The following TENM3 variants were observed in gnomAD, a reference collection of about 807,000 sequenced individuals.
TENM3 encodes teneurin transmembrane protein 3, also known as teneurin-3.
TENM3 carries 63 observed loss-of-function variants against 255.1 expected under a neutral mutation model. The ratio of observed to expected loss-of-function variants is 0.25; its 90% CI spans 0.20 to 0.30. TENM3 has a LOEUF of 0.30. Among genes scored for constraint, TENM3 ranks in the 10% least tolerant of loss-of-function variants. The pLI is 1.00. For synonymous variants in TENM3, 1,306 were observed against 1,322.3 expected (o/e 0.99, Z 0.27); for missense variants, 2,929 against 3,461.1 (o/e 0.85, Z 3.86).
chr4:181,800,556 C>T, the TENM3 span, among the ~76,000 whole-genome samples: 1 of 152,234 alleles, frequency 6.6e-6, no homozygotes, highest in South Asian at 2.1e-4. Context: ...CTGCTTGAAC[C>T]CGGGAGGTGG....
chr4:182,322,002 G>C (rs2150489598), intron 1 of TENM3, among the ~76,000 whole-genome samples: 1 of 152,216 alleles, frequency 6.6e-6, no homozygotes, highest in Admixed American at 6.5e-5. Context: ...TAAAAAGAGT[G>C]AATTGGTGTG....
the TENM3 span, among the ~76,000 whole-genome samples, chr4:181,869,079 T>C: frequency 6.6e-6 from 1 of 152,180 alleles, no homozygotes; most frequent in East Asian, 1.9e-4. Flanking sequence ...ATTATTAATT[T>C]CCATTTTAGG....
chr4:182,774,381 G>C (rs1210209297), intron 23 of TENM3, among the ~76,000 whole-genome samples: 1 of 152,168 alleles, frequency 6.6e-6, no homozygotes, highest in Admixed American at 6.5e-5. Flanking sequence ...TGAGGCAGTA[G>C]TCTACAATAT....
intron 3 of TENM3, among the ~76,000 whole-genome samples, chr4:182,573,860 C>G (rs1744657823): frequency 6.6e-6 from 1 of 152,088 alleles, no homozygotes; most frequent in East Asian, 1.9e-4. Flanking sequence ...ACTGAAATGA[C>G]TGTGCTTAAG....
At chr4:182,070,015 AGAAGAAG>A in the TENM3 span, among the ~76,000 whole-genome samples, 1 of 152,168 alleles carries the variant, frequency 6.6e-6, no homozygotes, top group Admixed American at 6.5e-5. Flanking sequence ...GTTTGTAAAG[AGAAGAAG>A]GAAGTTAAGA....
chr4:182,163,194 T>C (rs923995371), intron 1 of TENM3, among the ~76,000 whole-genome samples: 1 of 152,144 alleles, frequency 6.6e-6, no homozygotes, highest in African/African-American at 2.4e-5. Context: ...TCATCCCTCA[T>C]CTTAATTGCA....
At chr4:182,527,854 AGTAG>A (rs1739373576) in intron 3 of TENM3, among the ~76,000 whole-genome samples, 1 of 152,010 alleles carries the variant, frequency 6.6e-6, no homozygotes, top group African/African-American at 2.4e-5. Flanking sequence ...CAGCCTCCTG[AGTAG>A]CTGGGACTAC....
the TENM3 span, among the ~76,000 whole-genome samples, chr4:181,513,010 A>G: frequency 6.6e-6 from 1 of 152,324 alleles, no homozygotes; most frequent in South Asian, 2.1e-4. Context: ...GGGTATTTGA[A>G]TGCATTAAAT....
At chr4:181,585,481 G>A in the TENM3 span, among the ~76,000 whole-genome samples, 1 of 152,146 alleles carries the variant, frequency 6.6e-6, no homozygotes, top group African/African-American at 2.4e-5. Flanking sequence ...TAAGTAGTGA[G>A]AAAACTGTAT....
At chr4:182,642,911 G>A (rs1352358388) in intron 5 of TENM3, among the ~76,000 whole-genome samples, 1 of 152,086 alleles carries the variant, frequency 6.6e-6, no homozygotes, top group Non-Finnish European at 1.5e-5. Context: ...AATAATATTA[G>A]CCTTAAAAGT....
At chr4:181,880,797 G>A in the TENM3 span, among the ~76,000 whole-genome samples, 1 of 152,042 alleles carries the variant, frequency 6.6e-6, no homozygotes, top group Admixed American at 6.6e-5. Context: ...AGTTCACCTG[G>A]CAAATGACAA....
rs566385190 is a variant in TENM3, at chr4:182,690,104, C to T, written c.2221+1753C>T. ...TCAGTGTAGGGAACATCCAAATTTC[C>T]AGATGCCAGCCAAGGGCCAGCCCGC... On this transcript the variant is annotated intron_variant, in intron 12 of 27. Coordinates refer to ENST00000511685, the MANE Select transcript of TENM3 (RefSeq NM_001080477.4). Among the ~76,000 whole-genome samples the T allele has an allele frequency of 9.6e-4, 145 of 151,326 alleles. 1 individual carries two copies. The highest frequency in any genetic ancestry group is 3.3e-3 in the African/African-American group (138 of 41,280).
At chr4:182,098,651 G>T in the TENM3 span, among the ~76,000 whole-genome samples, 1 of 152,288 alleles carries the variant, frequency 6.6e-6, no homozygotes, top group South Asian at 2.1e-4. Flanking sequence ...GGGTAGAATT[G>T]TGGTAGCCAG....
chr4:181,636,058 T>G, the TENM3 span, among the ~76,000 whole-genome samples: 1,315 of 152,014 alleles, frequency 8.7e-3, 23 homozygotes, highest in African/African-American at 0.03. Context: ...TGTTTTTTGG[T>G]TTTTTTTGAG....
the TENM3 span, among the ~76,000 whole-genome samples, chr4:181,736,736 A>G: frequency 6.6e-6 from 1 of 152,020 alleles, no homozygotes. Context: ...GAGCCGACTG[A>G]GCCTCCCTGA....
At chr4:182,638,033 A>AT (rs142290891) in intron 5 of TENM3, among the ~76,000 whole-genome samples, 70,079 of 148,830 alleles carry the variant, frequency 0.47, 16,568 homozygotes, top group South Asian at 0.58. Flanking sequence ...TTAGGGGAAA[A>AT]ATTTTTTTTT....
At chr4:181,949,783 C>T in the TENM3 span, among the ~76,000 whole-genome samples, 43,958 of 151,920 alleles carry the variant, frequency 0.29, 6,911 homozygotes, top group African/African-American at 0.42. Context: ...CCACGTTCCT[C>T]CTCAGTCCTC....
chr4:182,601,175 T>G lies in TENM3; in HGVS notation c.749+14T>G. 6.2e-7 allele frequency: 1 copy of G among 1,605,250 alleles called. No homozygotes were observed. The highest frequency in any genetic ancestry group is 8.5e-7 in the Non-Finnish European group (1 of 1,172,014). ...ACTGGAAAGCAGGTAACATCTAAAA[T>G]TTCAAAATAAGCTAGCCCAACCCTT... On this transcript the variant is annotated intron_variant, in intron 4 of 27. Transcript: ENST00000511685.
chr4:181,651,448 C>G, the TENM3 span, among the ~76,000 whole-genome samples: 1 of 152,046 alleles, frequency 6.6e-6, no homozygotes, highest in South Asian at 2.1e-4. Flanking sequence ...TTTACCTGGA[C>G]ATGGTGGCAT....
Sources: allele counts gnomAD v4.1 joint callset (sites outside exome capture counted in the v4.1 genomes callset), GRCh38; gene constraint gnomAD v4.1.1; transcripts MANE v1.5; gene names NCBI Gene and HGNC (gene_info 2026-07-23, HGNC 2026-07-21).